The following DLG2 variants were observed in gnomAD, a reference collection of about 807,000 sequenced individuals.
The protein encoded by DLG2 is discs large MAGUK scaffold protein 2.
DLG2 carries 45 observed loss-of-function variants against 132.5 expected under a neutral mutation model. The ratio of observed to expected loss-of-function variants is 0.34; its 90% CI spans 0.27 to 0.44. The LOEUF is 0.44. DLG2 is among the 20% of genes least tolerant of loss of function. The pLI is 1.00. For missense variants in DLG2, 1,045 were observed against 1,196.9 expected (o/e 0.87, Z 1.87); for synonymous variants, 424 against 419.6 (o/e 1.01, Z -0.13).
chr11:83,851,185 A>G (rs1379304340), intron 16 of DLG2, among the ~76,000 whole-genome samples: 4 of 152,010 alleles, frequency 2.6e-5, no homozygotes, highest in Non-Finnish European at 5.9e-5. Context: ...TCAAAAAAAA[A>G]AAAAAAGAAT....
chr11:85,193,402 A>G lies in DLG2; in HGVS notation c.187-38751T>C, dbSNP rs1201478076. ...CATATATAAGTTTTCATAGAAACAT[A>G]TATTTTCAGTTGTCTTGAATATATA... On this transcript the variant is annotated intron_variant, in intron 4 of 27. Transcript: ENST00000376104. Among the ~76,000 whole-genome samples the G allele has an allele frequency of 3.3e-5, 5 of 152,230 alleles. No individual in the cohort carries two copies. In the South Asian group the frequency reaches 6.2e-4, roughly 19 times the overall value.
chr11:85,203,030 ATTAATAATAAATTTATTAT>A (rs1186568518), intron 4 of DLG2, among the ~76,000 whole-genome samples: 2 of 150,284 alleles, frequency 1.3e-5, no homozygotes, highest in Non-Finnish European at 3.0e-5. Context: ...TAAACTTAAT[ATTAATAATAAATTTATTAT>A]TTAATAATAA....
At chr11:84,437,028 T>C (rs1022818509) in intron 7 of DLG2, among the ~76,000 whole-genome samples, 3 of 152,188 alleles carry the variant, frequency 2.0e-5, no homozygotes, top group Non-Finnish European at 4.4e-5. Flanking sequence ...ATAAAAATAA[T>C]GCAGTACAGC....
chr11:84,526,860 G>A (rs1372150253), intron 7 of DLG2, among the ~76,000 whole-genome samples: 2 of 143,704 alleles, frequency 1.4e-5, no homozygotes, highest in African/African-American at 5.2e-5. Flanking sequence ...CTCACTGCAA[G>A]CTCCGCCTCC....
intron 21 of DLG2, among the ~76,000 whole-genome samples, chr11:83,487,844 A>G (rs1399158767): frequency 6.6e-6 from 1 of 152,046 alleles, no homozygotes; most frequent in Non-Finnish European, 1.5e-5. Context: ...ATGAACGGCA[A>G]TTAAAAGGTA....
intron 11 of DLG2, among the ~76,000 whole-genome samples, chr11:84,057,891 A>G (rs576567819): frequency 1.3e-5 from 2 of 152,190 alleles, no homozygotes; most frequent in African/African-American, 4.8e-5. Context: ...CAAGGTACTA[A>G]TCTAGAAACT....
intron 6 of DLG2, among the ~76,000 whole-genome samples, chr11:84,842,819 G>A (rs938066689): frequency 6.6e-6 from 1 of 151,736 alleles, no homozygotes; most frequent in Non-Finnish European, 1.5e-5. Context: ...TGCATGTGTG[G>A]ATGCACACAT....
chr11:84,174,014 C>CTTTTTTTTTTTTTTTTTTTT lies in DLG2; in HGVS notation c.574-10523_574-10504dup, dbSNP rs11338428. 4.2e-4 allele frequency among the ~76,000 whole-genome samples: 26 copies of CTTTTTTTTTTTTTTTTTTTT among 61,200 alleles called. 4 individuals are homozygous for CTTTTTTTTTTTTTTTTTTTT. Among genetic ancestry groups the CTTTTTTTTTTTTTTTTTTTT allele is most frequent in the African/African-American group, 9.8e-4 (15 of 15,362 alleles). The allele number at this position is 61,200 out of a possible 152,430, so 40.1% of individuals were successfully genotyped here. Reference sequence around the variant, plus strand: ...CTGAGTTTTGACTTCACCCCCCGGCCTTTTTTTTTTTTTTTTTTTTTTCTG... The same window carrying CTTTTTTTTTTTTTTTTTTTT: ...CTGAGTTTTGACTTCACCCCCCGGCCTTTTTTTTTTTTTTTTTTTTTTTTTTTTTTTTTTTTTTTTTTCTG... On this transcript the variant is annotated intron_variant, in intron 8 of 27. Transcript: ENST00000376104.
intron 6 of DLG2, among the ~76,000 whole-genome samples, chr11:84,717,677 A>G (rs1357045491): frequency 6.6e-6 from 1 of 152,090 alleles, no homozygotes; most frequent in Non-Finnish European, 1.5e-5. Flanking sequence ...ATTTCTTAAT[A>G]AAGATGAAGA....
intron 2 of DLG2, among the ~76,000 whole-genome samples, chr11:85,611,848 G>A (rs908160998): frequency 2.4e-4 from 36 of 152,066 alleles, no homozygotes; most frequent in Non-Finnish European, 3.8e-4. Flanking sequence ...TTACACTGTC[G>A]AAGCCATCAA....
chr11:85,109,602 A>T (rs1429276595), intron 6 of DLG2, among the ~76,000 whole-genome samples: 2 of 152,162 alleles, frequency 1.3e-5, no homozygotes, highest in Non-Finnish European at 2.9e-5. Flanking sequence ...TGCACAAAGT[A>T]ATAAAATGTG....
intron 7 of DLG2, among the ~76,000 whole-genome samples, chr11:84,524,011 T>C (rs554246649): frequency 8.5e-5 from 13 of 152,220 alleles, no homozygotes; most frequent in South Asian, 2.1e-4. Flanking sequence ...CTTCCATGGG[T>C]GTCCAGTCTT....
chr11:83,820,689 A>G (rs919886297), intron 17 of DLG2, among the ~76,000 whole-genome samples: 6 of 152,102 alleles, frequency 3.9e-5, no homozygotes, highest in African/African-American at 1.2e-4. Flanking sequence ...GAGGAAGGGA[A>G]TATTTCCTTT....
intron 9 of DLG2, among the ~76,000 whole-genome samples, chr11:84,120,370 C>T (rs1265101702): frequency 6.6e-6 from 1 of 152,006 alleles, no homozygotes; most frequent in Non-Finnish European, 1.5e-5. Context: ...TCTTTTAGCC[C>T]CAGGGCAAAA....
chr11:83,887,362 ATTC>A, intron 15 of DLG2, among the ~76,000 whole-genome samples: 1 of 152,018 alleles, frequency 6.6e-6, no homozygotes, highest in South Asian at 2.1e-4. Context: ...AAATGGATAA[ATTC>A]CTCGACACAT....
chr11:84,918,913 G>C (rs2092625882), intron 6 of DLG2, among the ~76,000 whole-genome samples: 1 of 152,146 alleles, frequency 6.6e-6, no homozygotes, highest in Admixed American at 6.5e-5. Flanking sequence ...CATCTCTTGA[G>C]TACCTACTGT....
intron 3 of DLG2, among the ~76,000 whole-genome samples, chr11:85,302,456 G>A (rs1467204813): frequency 6.6e-6 from 1 of 152,060 alleles, no homozygotes; most frequent in African/African-American, 2.4e-5. Flanking sequence ...TGCCTGCTGG[G>A]CCTACATTCC....
intron 7 of DLG2, among the ~76,000 whole-genome samples, chr11:84,495,677 A>G (rs879820582): frequency 6.6e-6 from 1 of 152,134 alleles, no homozygotes; most frequent in Non-Finnish European, 1.5e-5. Flanking sequence ...CTGTGCTTCC[A>G]TAATAACTTA....
chr11:84,849,333 G>A (rs1459300390), intron 6 of DLG2, among the ~76,000 whole-genome samples: 4 of 152,224 alleles, frequency 2.6e-5, no homozygotes, highest in Admixed American at 2.0e-4. Flanking sequence ...CAAGCATGTC[G>A]CTCATTCACC....
Sources: allele counts gnomAD v4.1 joint callset (sites outside exome capture counted in the v4.1 genomes callset), GRCh38; gene constraint gnomAD v4.1.1; transcripts MANE v1.5; gene names NCBI Gene and HGNC (gene_info 2026-07-23, HGNC 2026-07-21).